Variants in SLC14A2 observed in about 807,000 individuals in gnomAD.
SLC14A2 encodes the protein urea transporter 2.
In SLC14A2, 91 loss-of-function variants were observed where a neutral mutation model predicts 104.6. The observed-to-expected ratio is 0.87, with a 90% CI of 0.73 to 1.04. SLC14A2 has a LOEUF of 1.04. Ranked by LOEUF, SLC14A2 falls within the 50% of genes least tolerant of loss-of-function variation. The pLI, the probability that SLC14A2 is intolerant of heterozygous loss-of-function variation, is 0.00. For missense variants in SLC14A2, 1,189 were observed against 1,156.0 expected, an observed-to-expected ratio of 1.03 and a Z score of -0.41; for synonymous variants, 476 against 466.4, an observed-to-expected ratio of 1.02 and a Z score of -0.27.
At chr18:45,349,464 G>T (rs1315285051) in intron 1 of SLC14A2, among the ~76,000 whole-genome samples, 1 of 152,092 alleles carries the variant, frequency 6.6e-6, no homozygotes, top group Admixed American at 6.6e-5. Flanking sequence ...TGATTGGCTG[G>T]CCACATTCCA....
intron 5 of SLC14A2, chr18:45,634,717 A>T: frequency 2.3e-6 from 1 of 430,662 alleles, no homozygotes; most frequent in South Asian, 1.7e-5. Context: ...AGACCCAGTA[A>T]GCCTTTGGAT....
At chr18:45,237,686 G>A (rs1354420922) in intron 1 of SLC14A2, among the ~76,000 whole-genome samples, 1 of 152,208 alleles carries the variant, frequency 6.6e-6, no homozygotes, top group Admixed American at 6.5e-5. Flanking sequence ...AGAGCCCTTA[G>A]GCACAGTTCT....
At position 45,681,044 on chromosome 18, in the gene SLC14A2, G is replaced by GT. The variant is rs1166136830; in HGVS notation, c.2563-1238dup. ...TGTTACTCCCATGGTAGTATCTGAG[G>GT]TTTTTTTTTTTTTTTTTTTTTTTTT... On this transcript the variant is annotated intron_variant, in intron 19 of 19. Transcript: ENST00000255226. Among the ~76,000 whole-genome samples, 15 of 5,374 alleles carry GT rather than the reference G, an allele frequency of 2.8e-3. 5 individuals are homozygous for GT. The highest frequency in any genetic ancestry group is 3.1e-3 in the African/African-American group (15 of 4,876). 3.5% of individuals were successfully genotyped at this position (5,374 alleles called of 152,430 possible).
At chr18:45,438,755 G>A (rs550686085) in intron 1 of SLC14A2, among the ~76,000 whole-genome samples, 11 of 152,184 alleles carry the variant, frequency 7.2e-5, no homozygotes, top group Non-Finnish European at 1.6e-4. Flanking sequence ...TCTATGATAG[G>A]AAAATGGACA....
intron 1 of SLC14A2, among the ~76,000 whole-genome samples, chr18:45,325,881 T>A (rs2085229517): frequency 6.6e-6 from 1 of 152,174 alleles, no homozygotes; most frequent in African/African-American, 2.4e-5. Context: ...AAAATACACA[T>A]ACAGGGTCTG....
intron 1 of SLC14A2, among the ~76,000 whole-genome samples, chr18:45,456,904 G>T (rs1017079527): frequency 6.6e-6 from 1 of 152,054 alleles, no homozygotes; most frequent in South Asian, 2.1e-4. Context: ...TGGGCAGTAG[G>T]GTTGGGAAGC....
At chr18:45,241,503 GT>G in intron 1 of SLC14A2, among the ~76,000 whole-genome samples, 1 of 152,144 alleles carries the variant, frequency 6.6e-6, no homozygotes, top group Non-Finnish European at 1.5e-5. Flanking sequence ...TGGGTCCCTG[GT>G]AGGAAGTGAA....
At position 45,313,189 on chromosome 18, in the gene SLC14A2, G is replaced by A. The variant is rs78052917; in HGVS notation, c.-125+99998G>A. On this transcript the variant is annotated intron_variant, in intron 1 of 20. Transcript: ENST00000586448. ...AACAGACTAATTTGATGAGCTGAGG[G>A]GATTTTCCTCTGGTGAGGGAAGAAT... Among the ~76,000 whole-genome samples the A allele has an allele frequency of 1.6e-4, 25 of 152,268 alleles. No individual in the cohort carries two copies. In the East Asian group the frequency reaches 4.6e-3, roughly 28 times the overall value.
chr18:45,491,991 G>A (rs2043010185), intron 2 of SLC14A2: 1 of 152,216 alleles, frequency 6.6e-6, no homozygotes, highest in South Asian at 2.1e-4. Flanking sequence ...CGCAGTACGG[G>A]GCTAGGATGG....
chr18:45,449,896 C>T (rs1421627638), intron 1 of SLC14A2, among the ~76,000 whole-genome samples: 1 of 152,156 alleles, frequency 6.6e-6, no homozygotes, highest in Non-Finnish European at 1.5e-5. Flanking sequence ...TGTGCTCCAG[C>T]CTCATGCTGC....
intron 2 of SLC14A2, among the ~76,000 whole-genome samples, chr18:45,524,752 C>T (rs8083023): frequency 0.14 from 21,767 of 152,076 alleles, 1,628 homozygotes; most frequent in Middle Eastern, 0.22. Flanking sequence ...CTGCTAAGCC[C>T]TTAAATGCCT....
At chr18:45,626,842 A>G (rs1599083072) in intron 3 of SLC14A2, 116 bp from the exon 4 acceptor site, 14 of 363,612 alleles carry the variant, frequency 3.9e-5, no homozygotes, top group East Asian at 1.3e-4. Context: ...GGCCTGGCTG[A>G]ATGGGAAGGG....
chr18:45,328,562 G>A (rs766236051), intron 1 of SLC14A2, among the ~76,000 whole-genome samples: 5 of 152,152 alleles, frequency 3.3e-5, no homozygotes, highest in East Asian at 3.8e-4. Flanking sequence ...TCTTGGAGGG[G>A]TATTTGGACA....
intron 5 of SLC14A2, among the ~76,000 whole-genome samples, chr18:45,633,209 T>C (rs2045372185): frequency 6.6e-6 from 1 of 152,202 alleles, no homozygotes; most frequent in Non-Finnish European, 1.5e-5. Flanking sequence ...TTGTACTTTG[T>C]GGTAGTTTTT....
intron 1 of SLC14A2, among the ~76,000 whole-genome samples, chr18:45,218,857 G>T (rs1478512014): frequency 6.6e-6 from 1 of 150,812 alleles, no homozygotes; most frequent in Non-Finnish European, 1.5e-5. Flanking sequence ...AGGTCCTCTT[G>T]GTCCACATGC....
chr18:45,532,931 C>G (rs2043720038), intron 2 of SLC14A2, among the ~76,000 whole-genome samples: 1 of 152,060 alleles, frequency 6.6e-6, no homozygotes, highest in Non-Finnish European at 1.5e-5. Context: ...TTGTCAAAGG[C>G]CTTTTCTGCA....
chr18:45,643,042 T>C (rs2045556239), intron 8 of SLC14A2, 90 bp from the exon 9 acceptor site: 3 of 1,160,864 alleles, frequency 2.6e-6, no homozygotes, highest in Non-Finnish European at 3.9e-6. Context: ...GGGGCTCCTG[T>C]TCTTGGTCTG....
At chr18:45,242,367 G>A (rs918664926) in intron 1 of SLC14A2, among the ~76,000 whole-genome samples, 1 of 152,118 alleles carries the variant, frequency 6.6e-6, no homozygotes, top group African/African-American at 2.4e-5. Context: ...ATAATGTCAC[G>A]TCAGTCAAAG....
chr18:45,201,000 C>T, the SLC14A2 span, among the ~76,000 whole-genome samples: 2 of 152,070 alleles, frequency 1.3e-5, no homozygotes, highest in East Asian at 3.8e-4. Flanking sequence ...CTTCTCTTGG[C>T]TATGACAGTT....
Sources: gnomAD v4.1 joint callset for allele counts (sites outside exome capture counted in the v4.1 genomes callset) on GRCh38, gnomAD v4.1.1 for gene constraint, MANE v1.5 for transcripts, NCBI Gene and HGNC (gene_info 2026-07-23, HGNC 2026-07-21) for gene names.